Variants in NAA20 observed in about 807,000 individuals in gnomAD.
NAA20 encodes N-alpha-acetyltransferase 20.
Under a neutral mutation model 23.8 loss-of-function variants are expected in NAA20, and 24 were observed. The ratio of observed to expected loss-of-function variants is 1.01; its 90% confidence interval spans 0.73 to 1.42. The LOEUF (loss-of-function observed/expected upper bound fraction) is 1.42. Among genes scored for constraint, NAA20 ranks in the 40% most tolerant of loss-of-function variants. The pLI, the probability that NAA20 is intolerant of heterozygous loss-of-function variation, is 0.00. For synonymous variants in NAA20, 83 were observed against 77.7 expected, an observed-to-expected ratio of 1.07 and a Z score of -0.36; for missense variants, 166 against 223.1, an observed-to-expected ratio of 0.74 and a Z score of 1.63.
intron 4 of NAA20, among the ~76,000 whole-genome samples, chr20:20,028,206 C>T (rs1361270980): frequency 1.3e-5 from 2 of 152,024 alleles, no homozygotes; most frequent in Non-Finnish European, 2.9e-5. Context: ...AGTTTACACA[C>T]ATTTATTAAT....
At chr20:20,017,295 T>C, upstream of NAA20, 1 of 1,495,016 alleles carries the variant, frequency 6.7e-7, no homozygotes, top group Admixed American at 1.9e-5. Context: ...CCGGAAGCAG[T>C]ACCCCGTCTC....
intron 1 of NAA20, chr20:20,018,016 C>T (rs372716966): frequency 1.1e-5 from 17 of 1,614,106 alleles, no homozygotes; most frequent in Middle Eastern, 3.3e-4. Context: ...ACTGCGTCCC[C>T]TGCAGCAGAT....
rs539729012 is a variant in NAA20 at position 20,030,017 on chromosome 20, C to A, written c.306-2491C>A. 2.0e-5 allele frequency among the ~76,000 whole-genome samples: 3 copies of A among 152,254 alleles called. No homozygotes were observed. In the South Asian group the frequency reaches 6.2e-4, roughly 32 times the overall value. ...CAATCAGTAGCCCAAAATCTTTTCA[C>A]GAAGAAAGCTGTGGCTTCTCTGGCC... On this transcript the variant is annotated intron_variant, in intron 4 of 5. Coordinates refer to ENST00000334982, the MANE Select transcript of NAA20 (RefSeq NM_016100.5).
At chr20:20,023,433 G>A in intron 2 of NAA20, among the ~76,000 whole-genome samples, 1 of 152,092 alleles carries the variant, frequency 6.6e-6, no homozygotes, top group East Asian at 1.9e-4. Context: ...GTCCAGAAAT[G>A]TGCCCTGCTT....
chr20:20,027,067 G>A, intron 4 of NAA20, 148 bp downstream of exon 4: 1 of 1,176,784 alleles, frequency 8.5e-7, no homozygotes, highest in South Asian at 1.5e-5. Flanking sequence ...CTATCACATA[G>A]TCAAAGTGAT....
chr20:20,019,793 C>G (rs2043255672), intron 1 of NAA20, among the ~76,000 whole-genome samples: 1 of 152,210 alleles, frequency 6.6e-6, no homozygotes, highest in South Asian at 2.1e-4. Flanking sequence ...GTTTTGTTAC[C>G]CGGGCTGGTC....
rs117841708 is a variant in NAA20 at position 20,025,356 on chromosome 20, A to G, written c.79-321A>G. On this transcript the variant is annotated intron_variant, in intron 2 of 5. Transcript: ENST00000334982. ...AGAGGAGGCAGACCGCAAACAAACA[A>G]TATCAGGTGATAAATGGAGAGACTT... 2.2e-3 allele frequency among the ~76,000 whole-genome samples: 336 copies of G among 152,290 alleles called. 8 individuals are homozygous for G. In the East Asian group the frequency reaches 0.051, roughly 23 times the overall value.
Position 20,033,483 on chromosome 20 carries a change from C to G in NAA20, c.*296C>G, listed in dbSNP as rs981336692. ...GTATGTATGCTAGGGAAAAGACTTG[C>G]TCCAGTCTCCTCCTCAGTTCTGTGC... On this transcript the variant is annotated 3_prime_UTR_variant, in exon 6 of 6. Transcript: ENST00000334982. 5.4e-5 allele frequency: 14 copies of G among 257,408 alleles called. 1 individual carries two copies. The Admixed American group carries it at 6.8e-4, about 12-fold the overall frequency. 15.9% of individuals were successfully genotyped at this position (257,408 alleles called of 1,614,324 possible).
At chr20:20,018,065 C>T (rs892100831) in intron 1 of NAA20, 1 of 1,614,056 alleles carries the variant, frequency 6.2e-7, no homozygotes, top group Non-Finnish European at 8.5e-7. Flanking sequence ...AGTTTAGTTA[C>T]TGTAGCTGCG....
At chr20:20,026,985 G>A (rs6046545) in intron 4 of NAA20, 66 bp downstream of exon 4, 5 of 1,595,922 alleles carry the variant, frequency 3.1e-6, no homozygotes, top group Non-Finnish European at 4.3e-6. Flanking sequence ...TTCCCCTTCA[G>A]GCTGAATAAC....
Position 20,017,393 on chromosome 20 carries a change from C to T in NAA20, c.-4C>T. On this transcript the variant is annotated 5_prime_UTR_variant, in exon 1 of 6. Coordinates refer to ENST00000334982, the MANE Select transcript of NAA20 (RefSeq NM_016100.5). Reference sequence around the variant, plus strand: ...GAACGGTCTTCGGAAGCGGCGGCGGCGCGATGACCACGCTACGGGCCTTTA... The same window carrying T: ...GAACGGTCTTCGGAAGCGGCGGCGGTGCGATGACCACGCTACGGGCCTTTA... 4 of 1,611,188 alleles carry T rather than the reference C, an allele frequency of 2.5e-6. No homozygotes were observed. Among genetic ancestry groups the T allele is most frequent in the Non-Finnish European group, 3.4e-6 (4 of 1,179,278 alleles).
Position 20,033,307 on chromosome 20 carries a change from A to G in NAA20, c.*120A>G. The G allele has an allele frequency of 2.8e-6, 2 of 713,340 alleles. No homozygotes were observed. The highest frequency in any genetic ancestry group is 4.7e-6 in the Non-Finnish European group (2 of 430,034). 44.2% of individuals were successfully genotyped at this position (713,340 alleles called of 1,614,324 possible). On this transcript the variant is annotated 3_prime_UTR_variant, in exon 6 of 6. Coordinates refer to ENST00000334982, the MANE Select transcript of NAA20 (RefSeq NM_016100.5). Reference sequence around the variant, plus strand: ...ATCATTTTAGGTCTTAAAGACTTCAAGAAAATACAGGTTATCAATTTATTT... The same window carrying G: ...ATCATTTTAGGTCTTAAAGACTTCAGGAAAATACAGGTTATCAATTTATTT...
chr20:20,033,056 A>G (rs777915979), intron 5 of NAA20, 46 bp from the exon 6 acceptor site: 6 of 1,406,166 alleles, frequency 4.3e-6, no homozygotes, highest in East Asian at 2.3e-5. Flanking sequence ...TACATTTGAT[A>G]TAATACATTT....
chr20:20,018,182 C>G, intron 1 of NAA20: 1 of 1,214,750 alleles, frequency 8.2e-7, no homozygotes, highest in Non-Finnish European at 1.2e-6. Flanking sequence ...CGAGTTAAGG[C>G]CAGACCTCTG....
At chr20:20,029,836 A>G (rs757800157) in intron 4 of NAA20, among the ~76,000 whole-genome samples, 3 of 152,208 alleles carry the variant, frequency 2.0e-5, no homozygotes, top group African/African-American at 7.2e-5. Context: ...GTCAGATAGT[A>G]AATATTCAGG....
In NAA20 at chr20:20,022,494, CA is replaced by C. The variant is rs371762351; in HGVS notation, c.78+26del. 0.093 allele frequency: 91,815 copies of C among 992,422 alleles called. 9 individuals are homozygous for C. Among genetic ancestry groups the C allele is most frequent in the South Asian group, 0.14 (7,657 of 53,744 alleles). 61.5% of individuals were successfully genotyped at this position (992,422 alleles called of 1,614,324 possible). ...CTTACAGAAACTGTATCCTTTTTTA[CA>C]AAAAAAAAAAAGTTGAATGAAGATT... On this transcript the variant is annotated intron_variant, in intron 2 of 5. Transcript: ENST00000334982.
At chr20:20,022,005 G>A (rs772097391) in intron 1 of NAA20, among the ~76,000 whole-genome samples, 2 of 152,112 alleles carry the variant, frequency 1.3e-5, no homozygotes, top group African/African-American at 4.8e-5. Context: ...AAAACCGAGT[G>A]GTGGGAGTGA....
At chr20:20,018,301 C>T in intron 1 of NAA20, 1 of 554,196 alleles carries the variant, frequency 1.8e-6, no homozygotes, top group Admixed American at 3.1e-5. Flanking sequence ...AGACACTTTT[C>T]CTGGATTCTG....
intron 2 of NAA20, 194 bp downstream of exon 2, chr20:20,022,674 G>A: frequency 2.0e-6 from 1 of 502,214 alleles, no homozygotes; most frequent in East Asian, 3.5e-5. Flanking sequence ...CTGACAAACT[G>A]TTAATATCAT....
Sources: gnomAD v4.1 joint callset for allele counts (sites outside exome capture counted in the v4.1 genomes callset) on GRCh38, gnomAD v4.1.1 for gene constraint, MANE v1.5 for transcripts, NCBI Gene and HGNC (gene_info 2026-07-23, HGNC 2026-07-21) for gene names.